Variants in HS6ST3 observed in about 807,000 individuals in gnomAD.
The protein encoded by HS6ST3 is heparan-sulfate 6-O-sulfotransferase 3.
HS6ST3 carries 12 observed loss-of-function variants against 36.7 expected under a neutral mutation model. The ratio of observed to expected loss-of-function variants is 0.33; its 90% CI spans 0.21 to 0.53. The LOEUF (loss-of-function observed/expected upper bound fraction) is 0.53, where lower values mean the gene tolerates loss of function less well. Among genes scored for constraint, HS6ST3 ranks in the 20% least tolerant of loss-of-function variants. HS6ST3 has a pLI of 0.95. For missense variants in HS6ST3, 584 were observed against 640.9 expected (o/e 0.91, Z 0.96); for synonymous variants, 240 against 257.5 (o/e 0.93, Z 0.65).
intron 1 of HS6ST3, among the ~76,000 whole-genome samples, chr13:96,650,404 T>C (rs1286774578): frequency 1.3e-5 from 2 of 152,012 alleles, no homozygotes; most frequent in African/African-American, 4.8e-5. Flanking sequence ...ATTTCTGTCT[T>C]ATATCTATAT....
intron 1 of HS6ST3, among the ~76,000 whole-genome samples, chr13:96,816,042 A>G (rs1161408831): frequency 1.3e-5 from 2 of 152,170 alleles, no homozygotes; most frequent in Non-Finnish European, 2.9e-5. Flanking sequence ...CTAAATTTAA[A>G]TCCCCAGATC....
At chr13:96,185,116 C>G (rs1416617971) in intron 1 of HS6ST3, among the ~76,000 whole-genome samples, 1 of 152,092 alleles carries the variant, frequency 6.6e-6, no homozygotes, top group African/African-American at 2.4e-5. Flanking sequence ...AATATATGAT[C>G]TTAGTAACTC....
At chr13:96,645,380 G>A (rs2056585126) in intron 1 of HS6ST3, among the ~76,000 whole-genome samples, 1 of 151,420 alleles carries the variant, frequency 6.6e-6, no homozygotes, top group African/African-American at 2.4e-5. Flanking sequence ...AATACATTAA[G>A]GCCCAGAGAG....
chr13:96,355,468 A>G (rs943670159), intron 1 of HS6ST3, among the ~76,000 whole-genome samples: 6 of 152,124 alleles, frequency 3.9e-5, no homozygotes, highest in African/African-American at 1.4e-4. Flanking sequence ...GACTGCCACC[A>G]TAAAGTAAAT....
At chr13:96,770,803 GC>G (rs1877244986) in intron 1 of HS6ST3, among the ~76,000 whole-genome samples, 1 of 152,170 alleles carries the variant, frequency 6.6e-6, no homozygotes, top group South Asian at 2.1e-4. Flanking sequence ...TGTGCAGGTT[GC>G]CCCATCGAGG....
rs372731283 is a variant in HS6ST3 at position 96,135,419 on chromosome 13, G to T, written c.707+43850G>T. On this transcript the variant is annotated intron_variant, in intron 1 of 1. Transcript: ENST00000376705. ...ATATACTTTAAAAATAGAATGGTGA[G>T]GTAACTTAAAAATCATGTCATATGA... Among the ~76,000 whole-genome samples, 130 of 152,180 alleles carry T rather than the reference G, an allele frequency of 8.5e-4. 4 individuals are homozygous for T. The South Asian group carries it at 0.026, about 30-fold the overall frequency.
chr13:96,583,204 CTTTT>C (rs71292889), intron 1 of HS6ST3, among the ~76,000 whole-genome samples: 90 of 52,912 alleles, frequency 1.7e-3, no homozygotes, highest in African/African-American at 6.8e-3. Context: ...TTTTTCTTTT[CTTTT>C]TTTTTTTTTT....
At chr13:96,745,476 A>G (rs1445861419) in intron 1 of HS6ST3, among the ~76,000 whole-genome samples, 1 of 152,086 alleles carries the variant, frequency 6.6e-6, no homozygotes, top group Non-Finnish European at 1.5e-5. Flanking sequence ...TTTAAAAGAG[A>G]TTAATCAGAT....
At chr13:96,182,386 T>C (rs889039740) in intron 1 of HS6ST3, among the ~76,000 whole-genome samples, 5 of 152,318 alleles carry the variant, frequency 3.3e-5, no homozygotes, top group Non-Finnish European at 7.4e-5. Flanking sequence ...ATTCCTAAAA[T>C]AACTCTGCTC....
intron 1 of HS6ST3, among the ~76,000 whole-genome samples, chr13:96,716,421 A>G (rs1042659119): frequency 3.3e-5 from 5 of 152,194 alleles, no homozygotes; most frequent in African/African-American, 7.2e-5. Context: ...AATAACAACC[A>G]AGAGTGCAAC....
At position 96,194,655 on chromosome 13, in the gene HS6ST3, C is replaced by T. The variant is rs564975643; in HGVS notation, c.707+103086C>T. On this transcript the variant is annotated intron_variant, in intron 1 of 1. Transcript: ENST00000376705. ...TTTAGCAAATTTCAAGTATACATTA[C>T]TACTAATTATAGTTACCATACTGTA... Among the ~76,000 whole-genome samples, 14 of 152,186 alleles carry T rather than the reference C, an allele frequency of 9.2e-5. 1 individual carries two copies. Among genetic ancestry groups the T allele is most frequent in the African/African-American group, 3.1e-4 (13 of 41,532 alleles).
chr13:96,554,654 G>T (rs1041886085), intron 1 of HS6ST3, among the ~76,000 whole-genome samples: 4 of 152,132 alleles, frequency 2.6e-5, no homozygotes, highest in African/African-American at 9.7e-5. Context: ...CCTCCTCTGT[G>T]TCAGAAGCCC....
At chr13:96,573,278 A>G (rs546315623) in intron 1 of HS6ST3, among the ~76,000 whole-genome samples, 6 of 152,212 alleles carry the variant, frequency 3.9e-5, no homozygotes, top group Non-Finnish European at 7.3e-5. Flanking sequence ...TCCTGACTAA[A>G]GTACCTTTTA....
intron 1 of HS6ST3, among the ~76,000 whole-genome samples, chr13:96,597,535 T>C (rs1234520011): frequency 1.3e-5 from 2 of 151,728 alleles, no homozygotes; most frequent in African/African-American, 2.4e-5. Context: ...ATTGAGATTA[T>C]TTATTTTTTT....
chr13:96,118,167 C>T (rs1287485627), intron 1 of HS6ST3, among the ~76,000 whole-genome samples: 1 of 152,136 alleles, frequency 6.6e-6, no homozygotes, highest in Non-Finnish European at 1.5e-5. Flanking sequence ...CCACCACGCC[C>T]AGCCAGAATG....
intron 1 of HS6ST3, among the ~76,000 whole-genome samples, chr13:96,463,724 G>T (rs1213505328): frequency 6.6e-6 from 1 of 151,878 alleles, no homozygotes; most frequent in African/African-American, 2.4e-5. Context: ...TTAAACAAAA[G>T]AACTTCCTCA....
intron 1 of HS6ST3, among the ~76,000 whole-genome samples, chr13:96,137,324 A>C (rs1289091676): frequency 1.3e-5 from 2 of 152,128 alleles, no homozygotes; most frequent in Non-Finnish European, 2.9e-5. Flanking sequence ...ATGTTATTGC[A>C]GGTATGAATA....
At position 96,671,441 on chromosome 13, in the gene HS6ST3, G is replaced by A. The variant is rs1414705339; in HGVS notation, c.708-161049G>A. On this transcript the variant is annotated intron_variant, in intron 1 of 1. Transcript: ENST00000376705. The stretch of plus-strand genomic sequence containing the variant: ...GATCCATGTCCAGGATTGACCTATG[G>A]TAGGACAGTTACCATAAATCAGTTG... 2.0e-5 allele frequency among the ~76,000 whole-genome samples: 3 copies of A among 152,114 alleles called. No individual in the cohort carries two copies. The East Asian group carries it at 5.8e-4, about 29-fold the overall frequency.
intron 1 of HS6ST3, among the ~76,000 whole-genome samples, chr13:96,112,971 G>A (rs2053877832): frequency 6.6e-6 from 1 of 152,016 alleles, no homozygotes; most frequent in Non-Finnish European, 1.5e-5. Flanking sequence ...GTCACATAGA[G>A]CAGGAGCAGA....
Sources: gnomAD v4.1 joint callset for allele counts (sites outside exome capture counted in the v4.1 genomes callset) on GRCh38, gnomAD v4.1.1 for gene constraint, MANE v1.5 for transcripts, NCBI Gene and HGNC (gene_info 2026-07-23, HGNC 2026-07-21) for gene names.